The following AMZ2 variants were observed in gnomAD, a reference collection of about 807,000 sequenced individuals.
AMZ2 encodes the protein archaemetzincin-2.
AMZ2 carries 26 observed loss-of-function variants against 36.7 expected under a neutral mutation model. That is an observed-to-expected ratio of 0.71 (90% CI 0.52 to 0.98). The LOEUF (loss-of-function observed/expected upper bound fraction) is 0.98. Ranked by LOEUF, AMZ2 falls within the 50% of genes least tolerant of loss-of-function variation. The probability of loss-of-function intolerance (pLI) is 0.00; values close to 1 mark genes in which losing one functional copy is unlikely to be tolerated. For synonymous variants in AMZ2, 144 were observed against 149.1 expected, an observed-to-expected ratio of 0.97 and a Z score of 0.25; for missense variants, 394 against 430.5, an observed-to-expected ratio of 0.92 and a Z score of 0.75.
rs553933879 is a variant in AMZ2, at chr17:68,229,139, C to T, written c.-66-19501C>T. 2.3e-4 allele frequency among the ~76,000 whole-genome samples: 35 copies of T among 152,346 alleles called. No homozygotes were observed. In the South Asian group the frequency reaches 6.6e-3, roughly 29 times the overall value. On this transcript the variant is annotated intron_variant, in intron 1 of 7. Transcript: ENST00000674770. Reference sequence around the variant, plus strand: ...CTCCACCCTCCCTTTTTGCTACCGCCTGTCTCTTCTGGTTTTTGCTATTGC... The same window carrying T: ...CTCCACCCTCCCTTTTTGCTACCGCTTGTCTCTTCTGGTTTTTGCTATTGC...
chr17:68,213,466 G>A (rs1402203455), intron 1 of AMZ2, among the ~76,000 whole-genome samples: 1 of 152,232 alleles, frequency 6.6e-6, no homozygotes, highest in African/African-American at 2.4e-5. Flanking sequence ...TGAAATGAGT[G>A]TCAGAGCAGG....
At chr17:68,251,666 C>CA (rs1306700685) in intron 4 of AMZ2, among the ~76,000 whole-genome samples, 73 of 143,670 alleles carry the variant, frequency 5.1e-4, no homozygotes, top group South Asian at 3.5e-3. Flanking sequence ...GACCGTGTCT[C>CA]AAAAAAAAAA....
At chr17:68,253,424 T>G (rs1376218290) in intron 4 of AMZ2, among the ~76,000 whole-genome samples, 2 of 152,230 alleles carry the variant, frequency 1.3e-5, no homozygotes, top group South Asian at 2.1e-4. Context: ...GGGTGAGTTA[T>G]GTAGCAAACC....
intron 1 of AMZ2, among the ~76,000 whole-genome samples, chr17:68,224,798 C>CT (rs1168652070): frequency 3.3e-5 from 5 of 151,576 alleles, no homozygotes; most frequent in Non-Finnish European, 4.4e-5. Context: ...TTTTCACTCC[C>CT]TTTTTTTTGC....
Position 68,251,108 on chromosome 17 carries a change from A to T in AMZ2, c.516A>T (p.Gly172=). 2 of 1,613,888 alleles carry T rather than the reference A, an allele frequency of 1.2e-6. No individual in the cohort carries two copies. Among genetic ancestry groups the T allele is most frequent in the Non-Finnish European group, 1.7e-6 (2 of 1,179,946 alleles). ...CTGAAGATGCCTTCTGTGTTGTGGG[A>T]ATAACAATGATTGATCTTTACCCAA... ...KKPEDAFCVV[G]ITMIDLYPRD... is the part of the protein sequence containing the mutation. Residue 172 remains glycine (G), a synonymous_variant, in exon 4 of 7, where the codon GGA becomes GGT. Coordinates refer to ENST00000359904, the MANE Select transcript of AMZ2 (RefSeq NM_016627.5).
chr17:68,231,127 G>C (rs1479000312), intron 1 of AMZ2, among the ~76,000 whole-genome samples: 1 of 151,256 alleles, frequency 6.6e-6, no homozygotes, highest in Non-Finnish European at 1.5e-5. Context: ...GCAGTGGTGT[G>C]ACCATGGCTC....
At chr17:68,245,143 A>AT (rs1463985909), upstream of AMZ2, among the ~76,000 whole-genome samples, 32 of 151,992 alleles carry the variant, frequency 2.1e-4, no homozygotes, top group African/African-American at 7.7e-4. Flanking sequence ...CTGCAACTGC[A>AT]TATTAGTTAA....
chr17:68,210,961 G>A (rs868945419), intron 1 of AMZ2, among the ~76,000 whole-genome samples: 2 of 145,144 alleles, frequency 1.4e-5, no homozygotes, highest in Admixed American at 6.9e-5. Context: ...AAAAAAAGGG[G>A]GGGGGGGAGG....
chr17:68,228,516 C>T (rs1165415888), intron 1 of AMZ2, among the ~76,000 whole-genome samples: 1 of 152,200 alleles, frequency 6.6e-6, no homozygotes, highest in Admixed American at 6.5e-5. Flanking sequence ...GAGCCCTGCC[C>T]TTGCCTCCCC....
chr17:68,208,996 T>C (rs1211432000), intron 1 of AMZ2, among the ~76,000 whole-genome samples: 1 of 152,182 alleles, frequency 6.6e-6, no homozygotes, highest in African/African-American at 2.4e-5. Context: ...TTCTTGAAGT[T>C]AGTGAGACCA....
At chr17:68,242,938 G>A (rs2073932200), upstream of AMZ2, among the ~76,000 whole-genome samples, 1 of 151,494 alleles carries the variant, frequency 6.6e-6, no homozygotes, top group South Asian at 2.1e-4. Context: ...AAGCTACCTG[G>A]GAGACTGAGG....
At chr17:68,220,926 G>T (rs1482702358) in intron 1 of AMZ2, among the ~76,000 whole-genome samples, 4 of 151,722 alleles carry the variant, frequency 2.6e-5, no homozygotes, top group African/African-American at 4.8e-5. Context: ...GGGATTACAG[G>T]TGCATGCCTC....
intron 1 of AMZ2, among the ~76,000 whole-genome samples, chr17:68,241,037 CAG>C (rs1190183443): frequency 2.6e-5 from 4 of 152,008 alleles, no homozygotes; most frequent in African/African-American, 4.8e-5. Context: ...ATTTAAGAAA[CAG>C]GGGATCCAAC....
intron 1 of AMZ2, chr17:68,207,513 C>CTT (rs2072877617): frequency 6.6e-6 from 1 of 151,870 alleles, no homozygotes; most frequent in Admixed American, 6.5e-5. Flanking sequence ...AAAAAGGACC[C>CTT]TTTTTTCCTT....
rs2074156715 is a variant in AMZ2 at position 68,248,258 on chromosome 17, G to A, written c.-448G>A. ...GTGGCGGAAGCCGCGGGGTCCGCGG[G>A]GTCGGTGCCTCTAGGGAGCCAGGGA... On this transcript the variant is annotated 5_prime_UTR_variant, in exon 1 of 7. Transcript: ENST00000359904. 1.0e-6 allele frequency: 1 copy of A among 985,842 alleles called. No individual in the cohort carries two copies. Among genetic ancestry groups the A allele is most frequent in the Non-Finnish European group, 1.2e-6 (1 of 830,176 alleles). 61.1% of individuals were successfully genotyped at this position (985,842 alleles called of 1,614,324 possible).
At chr17:68,237,103 T>C (rs1470468588) in intron 1 of AMZ2, among the ~76,000 whole-genome samples, 1 of 152,228 alleles carries the variant, frequency 6.6e-6, no homozygotes. Flanking sequence ...GTGGTGAGCA[T>C]CCATCTTTCA....
intron 1 of AMZ2, among the ~76,000 whole-genome samples, chr17:68,234,588 T>A (rs781860244): frequency 1.1e-4 from 16 of 151,652 alleles, no homozygotes; most frequent in Non-Finnish European, 2.2e-4. Flanking sequence ...TAGTGAGACA[T>A]CTATACTACA....
Position 68,254,484 on chromosome 17 carries a change from A to G in AMZ2, c.667A>G (p.Lys223Glu). ...HYKGKVKKLK[K>E]TSSSDYSIFD... ...TAAAGGCAAAGTGAAGAAGCTCAAG[A>G]AAACATCTTCAAGTGACTATTCAAT... Residue 223 changes from lysine to glutamate, a missense_variant, in exon 5 of 7, where the codon AAA becomes GAA. By Grantham distance (56) the Lys-to-Glu change is moderately conservative. Transcript: ENST00000359904. 1 of 1,613,586 alleles carries G rather than the reference A, an allele frequency of 6.2e-7. No homozygotes were observed. The highest frequency in any genetic ancestry group is 8.5e-7 in the Non-Finnish European group (1 of 1,179,766).
intron 1 of AMZ2, among the ~76,000 whole-genome samples, chr17:68,242,233 G>C (rs2073916873): frequency 6.6e-6 from 1 of 152,104 alleles, no homozygotes; most frequent in Admixed American, 6.5e-5. Flanking sequence ...AGAAAGCATG[G>C]AGAAGCTGTT....
Sources: gnomAD v4.1 joint callset for allele counts (sites outside exome capture counted in the v4.1 genomes callset) on GRCh38, gnomAD v4.1.1 for gene constraint, MANE v1.5 for transcripts, NCBI Gene and HGNC (gene_info 2026-07-23, HGNC 2026-07-21) for gene names.